The following STK33 variants were observed in gnomAD, a reference collection of about 807,000 sequenced individuals.
STK33 encodes serine/threonine kinase 33.
STK33 carries 52 observed loss-of-function variants against 58.0 expected under a neutral mutation model. That is an observed-to-expected ratio of 0.90 (90% CI 0.72 to 1.13). The LOEUF is 1.13. Among genes scored for constraint, STK33 ranks in the 50% most tolerant of loss-of-function variants. The pLI, the probability that STK33 is intolerant of heterozygous loss-of-function variation, is 0.00. For missense variants in STK33, 630 were observed against 604.2 expected (o/e 1.04, Z -0.45); for synonymous variants, 215 against 200.1 (o/e 1.07, Z -0.63).
intron 11 of STK33, 103 bp from the exon 12 acceptor site, chr11:8,440,856 C>G: frequency 4.3e-5 from 51 of 1,173,582 alleles, no homozygotes; most frequent in Non-Finnish European, 5.8e-5. Flanking sequence ...GTAATTTATT[C>G]CCCCATAGGG....
chr11:8,387,979 T>A (rs1848567552), downstream of STK33, among the ~76,000 whole-genome samples: 1 of 152,200 alleles, frequency 6.6e-6, no homozygotes, highest in Admixed American at 6.5e-5. Context: ...GGCCCCTGTA[T>A]CAATGCCCTG....
At chr11:8,538,018 C>G (rs1485270655) in intron 1 of STK33, among the ~76,000 whole-genome samples, 4 of 151,814 alleles carry the variant, frequency 2.6e-5, no homozygotes, top group Non-Finnish European at 4.4e-5. Flanking sequence ...GAAACCTCGT[C>G]TCTACCAAAA....
intron 1 of STK33, among the ~76,000 whole-genome samples, chr11:8,540,994 C>A (rs11041969): frequency 0.58 from 75,449 of 129,762 alleles, 20,646 homozygotes; most frequent in Non-Finnish European, 0.63. Context: ...CTCTCTCTCT[C>A]TATATATATA....
rs187827105 is a variant in STK33 at position 8,547,474 on chromosome 11, A to C, written c.-466+46609T>G. Among the ~76,000 whole-genome samples, 657 of 152,294 alleles carry C rather than the reference A, an allele frequency of 4.3e-3. 17 individuals carry two copies. The highest frequency in any genetic ancestry group is 0.041 in the Admixed American group (633 of 15,296). On this transcript the variant is annotated intron_variant, in intron 1 of 15. Transcript: ENST00000687296. ...GGTGATCTGCCCGTCTCAGCCTCCC[A>C]AAGTGATGGGATTACAGGCGTGAGC...
chr11:8,497,181 A>G (rs958233676), intron 1 of STK33, among the ~76,000 whole-genome samples: 2 of 152,210 alleles, frequency 1.3e-5, no homozygotes, highest in Non-Finnish European at 2.9e-5. Flanking sequence ...GGAAGAAATA[A>G]TATTTGAAGA....
intron 1 of STK33, among the ~76,000 whole-genome samples, chr11:8,524,537 T>C (rs567997176): frequency 6.6e-6 from 1 of 152,062 alleles, no homozygotes; most frequent in Non-Finnish European, 1.5e-5. Flanking sequence ...CATCACTAAT[T>C]ATCCAGGAAA....
At chr11:8,384,305 C>T in the STK33 span, among the ~76,000 whole-genome samples, 6 of 152,198 alleles carry the variant, frequency 3.9e-5, no homozygotes, top group Non-Finnish European at 5.9e-5. Context: ...CCCTCTGTCA[C>T]GTCCGGATAA....
At chr11:8,566,048 C>A (rs1957424459) in intron 1 of STK33, 2 of 152,166 alleles carry the variant, frequency 1.3e-5, no homozygotes, top group African/African-American at 4.8e-5. Context: ...AAGCCAAAAT[C>A]ATTATTTACA....
chr11:8,494,239 C>A (rs1397225984), intron 1 of STK33, among the ~76,000 whole-genome samples: 1 of 152,218 alleles, frequency 6.6e-6, no homozygotes, highest in African/African-American at 2.4e-5. Context: ...TGATAAGCAA[C>A]TTCAGCAAAG....
the STK33 span, among the ~76,000 whole-genome samples, chr11:8,365,667 C>T: frequency 3.3e-5 from 5 of 152,218 alleles, no homozygotes; most frequent in Admixed American, 6.5e-5. Context: ...GCCCAGCTCC[C>T]GGCTGCAGGG....
At chr11:8,470,616 T>G (rs1177656379) in intron 6 of STK33, among the ~76,000 whole-genome samples, 1 of 152,216 alleles carries the variant, frequency 6.6e-6, no homozygotes, top group Non-Finnish European at 1.5e-5. Context: ...TCATTAGGCT[T>G]AATCATTTCT....
chr11:8,530,038 G>T (rs12791925), intron 1 of STK33, among the ~76,000 whole-genome samples: 1 of 152,054 alleles, frequency 6.6e-6, no homozygotes, highest in Non-Finnish European at 1.5e-5. Flanking sequence ...TGGTGCGAGA[G>T]GGGGCGGAAA....
At chr11:8,513,399 G>A (rs1026246183) in intron 1 of STK33, among the ~76,000 whole-genome samples, 3 of 152,066 alleles carry the variant, frequency 2.0e-5, no homozygotes, top group Admixed American at 6.6e-5. Flanking sequence ...CTCTCTATAT[G>A]TTTCATTTGC....
the STK33 span, among the ~76,000 whole-genome samples, chr11:8,357,224 G>A: frequency 6.6e-6 from 1 of 152,186 alleles, no homozygotes; most frequent in African/African-American, 2.4e-5. Context: ...TGCCCCATCG[G>A]CTCCCTAATT....
chr11:8,358,189 G>A, the STK33 span, among the ~76,000 whole-genome samples: 10 of 152,204 alleles, frequency 6.6e-5, no homozygotes, highest in Non-Finnish European at 1.0e-4. Flanking sequence ...CCGCAGAGCC[G>A]GGCTGAACCC....
chr11:8,391,385 G>A (rs1228168030), downstream of STK33, among the ~76,000 whole-genome samples: 1 of 152,210 alleles, frequency 6.6e-6, no homozygotes, highest in Non-Finnish European at 1.5e-5. Context: ...GAACCACGTG[G>A]GGCAACACAG....
In STK33 at chr11:8,435,554, C is replaced by A. The variant is rs1016856537; in HGVS notation, c.1086G>T (p.Met362Ile). ...TGATTCTGTGAGCAGGATCTACTTTCATAAGTTGTTTCAAAACACTTTTAG... is the reference window on the plus strand; with the variant it reads ...TGATTCTGTGAGCAGGATCTACTTTAATAAGTTGTTTCAAAACACTTTTAG... ...DCAKSVLKQL[M>I]KVDPAHRITA... Residue 362 changes from methionine (M) to isoleucine (I), a missense_variant, in exon 14 of 16, where the codon ATG (methionine) becomes ATT (isoleucine). Transcript: ENST00000687296. 1.3e-6 allele frequency: 2 copies of A among 1,499,496 alleles called. No homozygotes were observed. The highest frequency in any genetic ancestry group is 1.5e-5 in the South Asian group (1 of 68,120). 92.9% of individuals were successfully genotyped at this position (1,499,496 alleles called of 1,614,324 possible).
At position 8,452,898 on chromosome 11, in the gene STK33, A is replaced by G. The variant is rs1162833376; in HGVS notation, c.795T>C (p.Asp265=). 6.2e-7 allele frequency: 1 copy of G among 1,614,054 alleles called. No homozygotes were observed. The highest frequency in any genetic ancestry group is 1.7e-5 in the Admixed American group (1 of 60,022). Residue 265 remains aspartate (D), a synonymous_variant, in exon 11 of 16, where the codon GAT becomes GAC. Transcript: ENST00000687296. ...TTTGCTTCTTCACCGCTAAGCCAAA[A>G]TCAGTCACCTGGGAGAAGAAATTCA... ...NEINLNIKVT[D]FGLAVKKQSR... is the part of the protein sequence containing the mutation.
the STK33 span, among the ~76,000 whole-genome samples, chr11:8,364,053 G>A: frequency 3.9e-5 from 6 of 152,166 alleles, no homozygotes; most frequent in Non-Finnish European, 5.9e-5. Context: ...TCAATGTTGC[G>A]AAATATCTCT....
Sources: gnomAD v4.1 joint callset for allele counts (sites outside exome capture counted in the v4.1 genomes callset) on GRCh38, gnomAD v4.1.1 for gene constraint, MANE v1.5 for transcripts, NCBI Gene and HGNC (gene_info 2026-07-23, HGNC 2026-07-21) for gene names.